Variants in TBC1D2 observed in about 807,000 individuals in gnomAD.
TBC1D2 encodes the protein TBC1 domain family member 2, also known as TBC1 domain family member 2A.
A neutral mutation model predicts 91.1 loss-of-function variants in TBC1D2; 58 were observed. That is an observed-to-expected ratio of 0.64 (90% confidence interval 0.52 to 0.79). The LOEUF (loss-of-function observed/expected upper bound fraction) is 0.79, where lower values mean the gene tolerates loss of function less well. TBC1D2 is among the 30% of genes least tolerant of loss of function. The pLI is 0.00. For missense variants in TBC1D2, 1,080 were observed against 1,208.3 expected (o/e 0.89, Z 1.57); for synonymous variants, 482 against 511.5 (o/e 0.94, Z 0.78).
intron 2 of TBC1D2, among the ~76,000 whole-genome samples, chr9:98,248,376 C>T (rs1246880151): frequency 2.6e-5 from 4 of 152,232 alleles, no homozygotes; most frequent in African/African-American, 9.6e-5. Flanking sequence ...CATGAGTGAC[C>T]ACACAGAGGA....
rs756595872 is a variant in TBC1D2, at chr9:98,221,190, G to A, written c.1017C>T (p.Ala339=). The change falls in exon 6 of 13, where the codon GCC becomes GCT. Residue 339 remains alanine, a synonymous_variant. Transcript: ENST00000465784. The part of the protein sequence containing the change: ...VKILHKALEA[A]QQEKRASSAY... ...CGCTGGACGCCCGCTTCTCCTGCTG[G>A]GCGGCCTCCAGTGCCTTGTGCAGGA... 30 of 1,556,432 alleles carry A rather than the reference G, an allele frequency of 1.9e-5. No individual in the cohort carries two copies. Among genetic ancestry groups the A allele is most frequent in the Non-Finnish European group, 2.6e-5 (30 of 1,149,772 alleles).
At chr9:98,251,970 G>T (rs757564055) in intron 1 of TBC1D2, 44 bp from the exon 2 acceptor site, 35 of 1,561,342 alleles carry the variant, frequency 2.2e-5, no homozygotes, top group Non-Finnish European at 2.9e-5. Context: ...GTGCCTGAAG[G>T]GTGGCACTGG....
intron 5 of TBC1D2, among the ~76,000 whole-genome samples, chr9:98,224,959 G>A (rs1829195743): frequency 6.6e-6 from 1 of 152,198 alleles, no homozygotes; most frequent in Non-Finnish European, 1.5e-5. Context: ...AGTGCCAAGT[G>A]TCCCTCCCCA....
At chr9:98,233,651 C>A in intron 3 of TBC1D2, 102 bp from the exon 4 acceptor site, 1 of 1,517,214 alleles carries the variant, frequency 6.6e-7, no homozygotes, top group South Asian at 1.3e-5. Context: ...CATCCCCACA[C>A]CCTGTCATCC....
chr9:98,211,573 T>C (rs577315944), intron 7 of TBC1D2, among the ~76,000 whole-genome samples: 66 of 152,252 alleles, frequency 4.3e-4, no homozygotes, highest in African/African-American at 1.5e-3. Context: ...AATCCACTCA[T>C]AGCACTGCCA....
chr9:98,238,062 C>G (rs566087777), intron 3 of TBC1D2, among the ~76,000 whole-genome samples: 12,960 of 129,970 alleles, frequency 0.1, 2,000 homozygotes, highest in African/African-American at 0.38. Flanking sequence ...TGCTACCATG[C>G]CCAGCTAATT....
At chr9:98,212,940 C>T (rs955645587) in intron 7 of TBC1D2, among the ~76,000 whole-genome samples, 168 bp downstream of exon 7, 6 of 152,332 alleles carry the variant, frequency 3.9e-5, no homozygotes, top group African/African-American at 9.6e-5. Flanking sequence ...CTCAATCCCC[C>T]GACCACAGGG....
chr9:98,215,063 C>A (rs890457772), intron 6 of TBC1D2, among the ~76,000 whole-genome samples: 1 of 152,214 alleles, frequency 6.6e-6, no homozygotes, highest in African/African-American at 2.4e-5. Flanking sequence ...TGTCCCTGAC[C>A]TAGATAAAAA....
chr9:98,245,844 C>T (rs185723473), intron 2 of TBC1D2, among the ~76,000 whole-genome samples: 1 of 152,076 alleles, frequency 6.6e-6, no homozygotes, highest in East Asian at 1.9e-4. Flanking sequence ...TACTGAGTAT[C>T]AAAAAACAAA....
chr9:98,216,087 G>C (rs756812309), intron 6 of TBC1D2, among the ~76,000 whole-genome samples: 1 of 152,214 alleles, frequency 6.6e-6, no homozygotes, highest in Non-Finnish European at 1.5e-5. Flanking sequence ...TGGAAATTCT[G>C]TCTTGACCAC....
At chr9:98,211,063 GAAGA>G (rs553087078) in intron 7 of TBC1D2, among the ~76,000 whole-genome samples, 65 of 152,362 alleles carry the variant, frequency 4.3e-4, no homozygotes, top group African/African-American at 1.5e-3. Flanking sequence ...AGCTGGTTCA[GAAGA>G]AAGAGGAGAG....
chr9:98,213,300 C>T (rs1214171190), intron 6 of TBC1D2, 82 bp from the exon 7 acceptor site: 3 of 1,566,494 alleles, frequency 1.9e-6, no homozygotes, highest in Admixed American at 3.8e-5. Flanking sequence ...AAATGAGCCC[C>T]CAAAGCTTCT....
At chr9:98,215,056 C>A (rs892944458) in intron 6 of TBC1D2, among the ~76,000 whole-genome samples, 2 of 152,208 alleles carry the variant, frequency 1.3e-5, no homozygotes, top group African/African-American at 4.8e-5. Context: ...CCAATCCTGT[C>A]CCTGACCTAG....
intron 7 of TBC1D2, 61 bp downstream of exon 7, chr9:98,213,047 G>T: frequency 6.4e-7 from 1 of 1,572,264 alleles, no homozygotes; most frequent in Non-Finnish European, 8.7e-7. Context: ...GGAGTGGGCA[G>T]CATGGGGACC....
At position 98,228,184 on chromosome 9, in the gene TBC1D2, C is replaced by T. The variant is rs549647773; in HGVS notation, c.978+768G>A. On this transcript the variant is annotated intron_variant, in intron 5 of 12. Transcript: ENST00000465784. This position sits in a 1 kb window ranked among gnomAD's most constrained non-coding sequence, Gnocchi z 4.0. ...CACCACAGGTCCTACCAGGCCCCAC[C>T]GTTGGGATTTATGTAACAACTGCCT... Among the ~76,000 whole-genome samples the T allele has an allele frequency of 7.9e-5, 12 of 152,282 alleles. No individual in the cohort carries two copies. The highest frequency in any genetic ancestry group is 1.9e-4 in the East Asian group (1 of 5,178).
chr9:98,241,219 G>C (rs1829628809), intron 3 of TBC1D2, among the ~76,000 whole-genome samples: 1 of 152,188 alleles, frequency 6.6e-6, no homozygotes, highest in African/African-American at 2.4e-5. Flanking sequence ...AAACTACAGA[G>C]CAAGTAGGCA....
rs773245383 is a variant in TBC1D2, at chr9:98,255,420, A to G, written c.122T>C (p.Leu41Pro). 1 of 1,612,190 alleles carries G rather than the reference A, an allele frequency of 6.2e-7. No individual in the cohort carries two copies. Among genetic ancestry groups the G allele is most frequent in the Non-Finnish European group, 8.5e-7 (1 of 1,178,526 alleles). ...ACAGAGTTTCTTGGGGACCGCCTCCAGGGACCGGGCGCAGTCCCCCGATTC... is the reference window on the plus strand; with the variant it reads ...ACAGAGTTTCTTGGGGACCGCCTCCGGGGACCGGGCGCAGTCCCCCGATTC... ...EEESGDCARS[L>P]EAVPKKLCGY... The change falls in exon 1 of 13, where the codon CTG becomes CCG. Residue 41 changes from leucine to proline, a missense_variant. Leu to Pro is a moderately conservative substitution (Grantham distance 98). Coordinates refer to ENST00000465784, the MANE Select transcript of TBC1D2 (RefSeq NM_001267571.2).
chr9:98,229,034 G>T lies in TBC1D2; in HGVS notation c.896C>A (p.Thr299Lys), dbSNP rs755066693. 1 of 1,614,228 alleles carries T rather than the reference G, an allele frequency of 6.2e-7. No individual in the cohort carries two copies. The highest frequency in any genetic ancestry group is 8.5e-7 in the Non-Finnish European group (1 of 1,180,046). ...TTTCTCCTGGGCAGTTCGGTTCCGT[G>T]TGATTCCTTCAGAAAAGAATGGGAA... ...NTFPFFSEGI[T>K]RNRTAQEKVA... is the part of the protein sequence containing the mutation. Residue 299 changes from threonine to lysine, a missense_variant, in exon 5 of 13, where the codon ACA (threonine) becomes AAA (lysine). By Grantham distance (78) the Thr-to-Lys change is moderately conservative. Coordinates refer to ENST00000465784, the MANE Select transcript of TBC1D2 (RefSeq NM_001267571.2).
rs1338331620 is a variant in TBC1D2 at position 98,228,131 on chromosome 9, C to G, written c.978+821G>C. 6.6e-6 allele frequency among the ~76,000 whole-genome samples: 1 copy of G among 152,196 alleles called. No individual in the cohort carries two copies. Among genetic ancestry groups the G allele is most frequent in the Non-Finnish European group, 1.5e-5 (1 of 68,034 alleles). On this transcript the variant is annotated intron_variant, in intron 5 of 12. Transcript: ENST00000465784. The surrounding 1 kb of genome is among the most constrained non-coding windows in gnomAD (Gnocchi z 4.0). ...GGCCTTCCTCTAGAGGAAAAGGAGT[C>G]TGGGCCCTCACTGGAGCCCGCCACT...
Sources: allele counts gnomAD v4.1 joint callset (sites outside exome capture counted in the v4.1 genomes callset), GRCh38; gene constraint gnomAD v4.1.1; non-coding constraint Gnocchi (gnomAD v3.1); transcripts MANE v1.5; gene names NCBI Gene and HGNC (gene_info 2026-07-23, HGNC 2026-07-21).